Variants in SMARCA2 observed in about 807,000 individuals in gnomAD.
SMARCA2 encodes SWI/SNF-related matrix-associated actin-dependent regulator of chromatin subfamily A member 2.
Under a neutral mutation model 199.8 loss-of-function variants are expected in SMARCA2, and 61 were observed. That is an observed-to-expected ratio of 0.31 (90% CI 0.25 to 0.38). The LOEUF (loss-of-function observed/expected upper bound fraction) is 0.38, where lower values mean the gene tolerates loss of function less well. SMARCA2 is among the 10% of genes least tolerant of loss of function. SMARCA2 has a pLI of 1.00. For missense variants in SMARCA2, 1,344 were observed against 2,012.2 expected (o/e 0.67, Z 6.35); for synonymous variants, 935 against 732.0 (o/e 1.28, Z -4.48).
intron 4 of SMARCA2, among the ~76,000 whole-genome samples, chr9:2,046,670 G>C (rs919537578): frequency 1.3e-5 from 2 of 152,134 alleles, no homozygotes; most frequent in Admixed American, 1.3e-4. Context: ...GATTGCGATA[G>C]AGGTCTGTCC....
intron 23 of SMARCA2, among the ~76,000 whole-genome samples, chr9:2,106,706 A>T (rs1425381792): frequency 6.6e-6 from 1 of 152,236 alleles, no homozygotes; most frequent in Non-Finnish European, 1.5e-5. Flanking sequence ...GATGAGAGCT[A>T]AGCAGAAATT....
intron 27 of SMARCA2, among the ~76,000 whole-genome samples, chr9:2,134,785 G>T (rs1021704712): frequency 1.3e-5 from 2 of 152,118 alleles, no homozygotes; most frequent in Non-Finnish European, 2.9e-5. Flanking sequence ...AATGGAATTA[G>T]TACTCTTATA....
rs148525190 is a variant in SMARCA2, at chr9:2,070,285, G to C, written c.1693-133G>C. Reference sequence around the variant, plus strand: ...TCAGCAAAGACAAATGAACATAAAAGGCATTAACACTTAAGCTGTGTTAGA... The same window carrying C: ...TCAGCAAAGACAAATGAACATAAAACGCATTAACACTTAAGCTGTGTTAGA... On this transcript the variant is annotated intron_variant, in intron 9 of 33. Coordinates refer to ENST00000349721, the MANE Select transcript of SMARCA2 (RefSeq NM_003070.5). 4.5e-4 allele frequency: 332 copies of C among 738,486 alleles called. 1 individual carries two copies. The African/African-American group carries it at 5.3e-3, about 12-fold the overall frequency. 45.7% of individuals were successfully genotyped at this position (738,486 alleles called of 1,614,324 possible).
intron 27 of SMARCA2, among the ~76,000 whole-genome samples, chr9:2,152,273 T>C (rs1187007098): frequency 6.6e-6 from 1 of 152,222 alleles, no homozygotes; most frequent in Admixed American, 6.5e-5. Flanking sequence ...GAAGAAAGGC[T>C]GGGTGCCATG....
chr9:2,058,473 C>T lies in SMARCA2; in HGVS notation c.1521+9C>T. ...GAATGCGGCGACTGATGGTAAGGAA[C>T]TCCCTGCAGGAGCCCAGGAAACTAC... is the stretch of plus-strand genomic sequence containing the variant. On this transcript the variant is annotated intron_variant, in intron 8 of 33. Coordinates refer to ENST00000349721, the MANE Select transcript of SMARCA2 (RefSeq NM_003070.5). The T allele has an allele frequency of 6.2e-7, 1 of 1,612,832 alleles. No individual in the cohort carries two copies. The highest frequency in any genetic ancestry group is 8.5e-7 in the Non-Finnish European group (1 of 1,179,134).
At chr9:2,154,099 G>A (rs1244860206) in intron 27 of SMARCA2, among the ~76,000 whole-genome samples, 1 of 152,200 alleles carries the variant, frequency 6.6e-6, no homozygotes, top group Admixed American at 6.5e-5. Flanking sequence ...ATATGATCTG[G>A]AACAAGATGC....
At position 2,110,459 on chromosome 9, in the gene SMARCA2, A is replaced by C. The variant is rs753976640; in HGVS notation, c.3456+42A>C. On this transcript the variant is annotated intron_variant, in intron 24 of 33. Coordinates refer to ENST00000349721, the MANE Select transcript of SMARCA2 (RefSeq NM_003070.5). This position sits in a 1 kb window ranked among gnomAD's most constrained non-coding sequence, Gnocchi z 4.8. ...CAGGTGCCCAGGCCTCCCTCTGGAG[A>C]GCAACTAAAAGATGATCAGTTTCAT... 6.8e-7 allele frequency: 1 copy of C among 1,461,398 alleles called. No homozygotes were observed. The highest frequency in any genetic ancestry group is 9.3e-7 in the Non-Finnish European group (1 of 1,081,054). 90.5% of individuals were successfully genotyped at this position (1,461,398 alleles called of 1,614,324 possible).
In SMARCA2 at chr9:2,056,784, C is replaced by T; in HGVS notation, c.1286C>T (p.Thr429Ile). 6.2e-7 allele frequency: 1 copy of T among 1,614,154 alleles called. No individual in the cohort carries two copies. ...KRQTLREARM[T>I]EKLEKQQKIE... ...CAGACTCTGAGAGAAGCTCGCATGA[C>T]CGAGAAGCTGGAGAAGCAGCAGAAG... Residue 429 changes from threonine (T) to isoleucine (I), a missense_variant, in exon 7 of 34, where the codon ACC becomes ATC. By Grantham distance (89) the Thr-to-Ile change is moderately conservative. Coordinates refer to ENST00000349721, the MANE Select transcript of SMARCA2 (RefSeq NM_003070.5). This position sits in a 1 kb window ranked among gnomAD's most constrained non-coding sequence, Gnocchi z 4.0.
chr9:2,144,127 T>G (rs1294085948), intron 27 of SMARCA2, among the ~76,000 whole-genome samples: 1 of 152,072 alleles, frequency 6.6e-6, no homozygotes, highest in East Asian at 1.9e-4. Flanking sequence ...AGGAAATGAA[T>G]GGACAGAAGT....
At chr9:2,160,400 G>A in intron 27 of SMARCA2, 1 of 543,714 alleles carries the variant, frequency 1.8e-6, no homozygotes, top group Non-Finnish European at 3.3e-6. Context: ...ATTGGAGGAT[G>A]CGTAGAAAAC....
intron 8 of SMARCA2, among the ~76,000 whole-genome samples, chr9:2,060,537 A>G (rs1350185156): frequency 2.6e-5 from 4 of 152,258 alleles, no homozygotes; most frequent in African/African-American, 9.6e-5. Flanking sequence ...AACACAGAAA[A>G]CAAAGAGCTT....
At chr9:2,155,347 A>G (rs867007504) in intron 27 of SMARCA2, among the ~76,000 whole-genome samples, 1 of 151,958 alleles carries the variant, frequency 6.6e-6, no homozygotes, top group Non-Finnish European at 1.5e-5. Flanking sequence ...CAGTGGGGCA[A>G]TCTCGGCTCA....
Position 2,039,615 on chromosome 9 carries a change from A to G in SMARCA2, c.505A>G (p.Arg169Gly). ...GDPQAMSQPN[R>G]GPSPFSPVQL... ...TCCGCAGGCCATGAGCCAGCCCAAC[A>G]GAGGTCCCTCACCTTTCAGTCCTGT... Residue 169 changes from arginine to glycine, a missense_variant, in exon 4 of 34, where the codon AGA (arginine) becomes GGA (glycine). By Grantham distance (125) the Arg-to-Gly change is moderately radical. Transcript: ENST00000349721. This position sits in a 1 kb window ranked among gnomAD's most constrained non-coding sequence, Gnocchi z 4.8. 2 of 1,614,218 alleles carry G rather than the reference A, an allele frequency of 1.2e-6. No homozygotes were observed. The highest frequency in any genetic ancestry group is 1.1e-5 in the South Asian group (1 of 91,074).
At position 2,193,086 on chromosome 9, in the gene SMARCA2, A is replaced by G. The variant is rs769251512; in HGVS notation, c.*347A>G. ...TGGTTTTATCACCTGTTCAGATGAG[A>G]AGATTTTTGTCTTTTGTAGCACTGA... On this transcript the variant is annotated 3_prime_UTR_variant, in exon 34 of 34. Transcript: ENST00000349721. 9.6e-6 allele frequency: 2 copies of G among 208,982 alleles called. No homozygotes were observed. Among genetic ancestry groups the G allele is most frequent in the Non-Finnish European group, 1.9e-5 (2 of 105,736 alleles). 12.9% of individuals were successfully genotyped at this position (208,982 alleles called of 1,614,324 possible). A position where few individuals can be genotyped will look rare whatever the true frequency, so the allele number is the denominator to read the frequency against.
intron 27 of SMARCA2, among the ~76,000 whole-genome samples, chr9:2,134,177 C>T (rs578186568): frequency 6.6e-6 from 1 of 152,218 alleles, no homozygotes; most frequent in South Asian, 2.1e-4. Flanking sequence ...TGACAAGACT[C>T]GGGGTGACAA....
At chr9:2,061,089 G>GAA in intron 9 of SMARCA2, 103 bp downstream of exon 9, 1 of 1,111,220 alleles carries the variant, frequency 9.0e-7, no homozygotes, top group Non-Finnish European at 1.3e-6. Flanking sequence ...ACTGGTGGAA[G>GAA]GTTTAGATGA....
intron 4 of SMARCA2, 39 bp from the exon 5 acceptor site, chr9:2,047,190 C>T (rs1172726026): frequency 5.9e-6 from 6 of 1,014,010 alleles, no homozygotes; most frequent in African/African-American, 3.5e-5. Flanking sequence ...CGCGGGGCGC[C>T]GTCCCGCCCG....
At chr9:2,095,771 A>G (rs3793489) in intron 19 of SMARCA2, among the ~76,000 whole-genome samples, 16,251 of 152,330 alleles carry the variant, frequency 0.11, 946 homozygotes, top group Admixed American at 0.14. Flanking sequence ...ACATCAGTTT[A>G]TTAAACATTA....
chr9:2,036,277 G>T (rs965301695), intron 3 of SMARCA2, among the ~76,000 whole-genome samples: 1 of 151,878 alleles, frequency 6.6e-6, no homozygotes, highest in Non-Finnish European at 1.5e-5. Context: ...TAGGAGAGAG[G>T]TTATTGCATC....
Sources: gnomAD v4.1 joint callset for allele counts (sites outside exome capture counted in the v4.1 genomes callset) on GRCh38, gnomAD v4.1.1 for gene constraint, Gnocchi (gnomAD v3.1) non-coding constraint, MANE v1.5 for transcripts, NCBI Gene and HGNC (gene_info 2026-07-23, HGNC 2026-07-21) for gene names.